PHTF2: variants seen among roughly 807,000 people sequenced by gnomAD.
PHTF2 encodes protein PHTF2.
Under a neutral mutation model 101.2 loss-of-function variants are expected in PHTF2, and 60 were observed. The ratio of observed to expected loss-of-function variants is 0.59; its 90% CI spans 0.48 to 0.73. The LOEUF (loss-of-function observed/expected upper bound fraction) is 0.73, where lower values mean the gene tolerates loss of function less well. Ranked by LOEUF, PHTF2 falls within the 30% of genes least tolerant of loss-of-function variation. The pLI is 0.00. For missense variants in PHTF2, 747 were observed against 908.7 expected (o/e 0.82, Z 2.29); for synonymous variants, 311 against 307.3 (o/e 1.01, Z -0.13).
intron 11 of PHTF2, chr7:77,923,159 A>G: frequency 7.2e-6 from 7 of 965,710 alleles, no homozygotes; most frequent in Non-Finnish European, 8.6e-6. Context: ...TATTGCTGTC[A>G]CCAGTTATTA....
intron 3 of PHTF2, among the ~76,000 whole-genome samples, chr7:77,862,183 TATAAAAGTACTG>T (rs1473773018): frequency 6.6e-6 from 1 of 152,184 alleles, no homozygotes; most frequent in Admixed American, 6.5e-5. Context: ...TTCTCCTTAG[TATAAAAGTACTG>T]AGTTCATAAA....
chr7:77,837,490 A>G (rs979528546), intron 1 of PHTF2, among the ~76,000 whole-genome samples: 3 of 152,252 alleles, frequency 2.0e-5, no homozygotes, highest in East Asian at 3.8e-4. Context: ...AAAAATAGGT[A>G]TGAGCCATTC....
chr7:77,893,940 T>G (rs1800664457), intron 4 of PHTF2, 42 bp from the exon 4 acceptor site: 1 of 1,479,036 alleles, frequency 6.8e-7, no homozygotes, highest in Non-Finnish European at 9.5e-7. Context: ...ATACTTCTAG[T>G]TTGCTTTTTC....
At chr7:77,821,310 G>T (rs1284672230) in intron 1 of PHTF2, among the ~76,000 whole-genome samples, 5 of 152,172 alleles carry the variant, frequency 3.3e-5, no homozygotes, top group Non-Finnish European at 7.3e-5. Context: ...TTTTGCCTTG[G>T]AGAGGATCTA....
intron 9 of PHTF2, among the ~76,000 whole-genome samples, chr7:77,915,782 A>G (rs963672829): frequency 2.0e-5 from 3 of 152,162 alleles, no homozygotes; most frequent in African/African-American, 7.2e-5. Context: ...TCCAGGAAAT[A>G]CTGCTTCTAT....
intron 15 of PHTF2, 123 bp downstream of exon 14, chr7:77,940,782 G>C: frequency 6.4e-6 from 4 of 626,114 alleles, no homozygotes; most frequent in Non-Finnish European, 1.0e-5. Context: ...TCAAAAACTG[G>C]ATTAGGGATT....
intron 1 of PHTF2, among the ~76,000 whole-genome samples, chr7:77,828,847 G>A (rs1290947116): frequency 6.6e-6 from 1 of 151,688 alleles, no homozygotes; most frequent in Non-Finnish European, 1.5e-5. Flanking sequence ...CGGCCTGGGT[G>A]ACAGGGCGAG....
Position 77,940,249 on chromosome 7 carries a change from CTT to C in PHTF2, c.1688_1689del (p.Leu563ArgfsTer16), listed in dbSNP as rs750761739. The C allele has an allele frequency of 3.1e-6, 5 of 1,613,636 alleles. No individual in the cohort carries two copies. The highest frequency in any genetic ancestry group is 4.2e-6 in the Non-Finnish European group (5 of 1,179,756). On this transcript the variant is annotated frameshift_variant, in exon 14 of 20. Transcript: ENST00000416283. LOFTEE classifies it high-confidence loss of function. ...AATAAGTTTTGTGGTTCGCGTGTCT[CTT>C]GTGTGGATTTTCTTTTTTTTGCTCT...
intron 1 of PHTF2, among the ~76,000 whole-genome samples, chr7:77,832,720 C>T (rs1795165228): frequency 6.6e-6 from 1 of 151,766 alleles, no homozygotes; most frequent in South Asian, 2.1e-4. Flanking sequence ...TCCATCATCC[C>T]CAGATGGGAC....
In PHTF2 at chr7:77,895,697, C is replaced by A. The variant is rs553555053; in HGVS notation, c.216+1704C>A. The stretch of plus-strand genomic sequence containing the variant: ...TAACCTCCTCTTTTTTAAAAGAACT[C>A]TTTTAAATCCTAAATGTATGTTAGG... On this transcript the variant is annotated intron_variant, in intron 5 of 19. Coordinates refer to ENST00000416283, the Ensembl canonical transcript of PHTF2. Among the ~76,000 whole-genome samples, 4 of 152,164 alleles carry A rather than the reference C, an allele frequency of 2.6e-5. No individual in the cohort carries two copies. The South Asian group carries it at 8.3e-4, about 32-fold the overall frequency.
chr7:77,887,046 TAAAA>T, intron 3 of PHTF2, among the ~76,000 whole-genome samples: 1 of 139,906 alleles, frequency 7.1e-6, no homozygotes, highest in African/African-American at 2.6e-5. Context: ...ACCCTGTCTT[TAAAA>T]AAAAAAAAAA....
At chr7:77,935,165 T>A (rs1307011444) in intron 12 of PHTF2, among the ~76,000 whole-genome samples, 2 of 144,400 alleles carry the variant, frequency 1.4e-5, no homozygotes, top group Non-Finnish European at 3.0e-5. Flanking sequence ...CAGTCTTTTT[T>A]ATTTATTTTT....
intron 3 of PHTF2, among the ~76,000 whole-genome samples, chr7:77,870,755 AT>A (rs1180980270): frequency 6.6e-6 from 1 of 152,216 alleles, no homozygotes; most frequent in Non-Finnish European, 1.5e-5. Flanking sequence ...TCCTGAGATC[AT>A]ATATAATCTT....
chr7:77,874,836 A>G (rs1798802161), intron 3 of PHTF2, among the ~76,000 whole-genome samples: 1 of 152,200 alleles, frequency 6.6e-6, no homozygotes. Context: ...ATTCTTCTGT[A>G]TATGGATATC....
At chr7:77,950,310 C>G (rs1327329372) in intron 17 of PHTF2, among the ~76,000 whole-genome samples, 1 of 151,998 alleles carries the variant, frequency 6.6e-6, no homozygotes, top group African/African-American at 2.4e-5. Context: ...ATCAATAAAC[C>G]TGTCAAATGA....
intron 3 of PHTF2, among the ~76,000 whole-genome samples, chr7:77,875,415 CTCTG>C (rs896333292): frequency 7.2e-5 from 11 of 151,952 alleles, no homozygotes; most frequent in African/African-American, 1.9e-4. Context: ...ATTGGAATAA[CTCTG>C]TCTATTTCCA....
chr7:77,892,633 G>T (rs1297754860), intron 3 of PHTF2, among the ~76,000 whole-genome samples: 1 of 152,088 alleles, frequency 6.6e-6, no homozygotes, highest in Non-Finnish European at 1.5e-5. Flanking sequence ...CAGTTATATG[G>T]TGTTGACCCA....
At chr7:77,837,068 T>A (rs979611725) in intron 1 of PHTF2, among the ~76,000 whole-genome samples, 9 of 152,206 alleles carry the variant, frequency 5.9e-5, no homozygotes, top group Non-Finnish European at 7.4e-5. Flanking sequence ...AACTGCCTAA[T>A]GTTATGCCTG....
chr7:77,882,680 C>T (rs1426946455), intron 3 of PHTF2, among the ~76,000 whole-genome samples: 3 of 151,946 alleles, frequency 2.0e-5, no homozygotes, highest in African/African-American at 7.3e-5. Flanking sequence ...ATGGTTTGGC[C>T]TTTCATTATG....
Sources: allele counts gnomAD v4.1 joint callset (sites outside exome capture counted in the v4.1 genomes callset), GRCh38; gene constraint gnomAD v4.1.1; transcripts MANE v1.5; gene names NCBI Gene and HGNC (gene_info 2026-07-23, HGNC 2026-07-21).